STPG1: variants seen among roughly 807,000 people sequenced by gnomAD.
The protein encoded by STPG1 is sperm tail PG-rich repeat containing 1.
STPG1 carries 33 observed loss-of-function variants against 40.1 expected under a neutral mutation model. That is an observed-to-expected ratio of 0.82 (90% CI 0.62 to 1.10). The LOEUF (loss-of-function observed/expected upper bound fraction) is 1.10, where lower values mean the gene tolerates loss of function less well. Ranked by LOEUF, STPG1 falls within the 50% of genes least tolerant of loss-of-function variation. STPG1 has a pLI of 0.00. For missense variants in STPG1, 396 were observed against 415.1 expected, an observed-to-expected ratio of 0.95 and a Z score of 0.40; for synonymous variants, 150 against 155.0, an observed-to-expected ratio of 0.97 and a Z score of 0.24.
At chr1:24,379,557 G>A in intron 5 of STPG1, 96 bp downstream of exon 5, 1 of 1,377,292 alleles carries the variant, frequency 7.3e-7, no homozygotes, top group Non-Finnish European at 1.0e-6. Context: ...CTTGACAACT[G>A]CATTAAAATA....
At chr1:24,361,272 G>A (rs1039960069) in intron 7 of STPG1, among the ~76,000 whole-genome samples, 1 of 152,162 alleles carries the variant, frequency 6.6e-6, no homozygotes, top group Non-Finnish European at 1.5e-5. Flanking sequence ...GGGTTGTCAG[G>A]ATAAATGAGA....
In STPG1 at chr1:24,360,864, G is replaced by C; in HGVS notation, c.915C>G (p.Gly305=). ...CAATCCTCTGACCTGGGCCAGGCAG[G>C]CCTGGCTGAGGCGGCGCCGCTGTCC... The part of the protein sequence containing the change: ...SRWTAAPPQP[G]LPGPATYKPE... Residue 305 remains glycine (G), a synonymous_variant, in exon 8 of 9, where the codon GGC becomes GGG. Coordinates refer to ENST00000337248, the MANE Select transcript of STPG1 (RefSeq NM_001199013.2). 6.2e-7 allele frequency: 1 copy of C among 1,612,760 alleles called. No homozygotes were observed. The highest frequency in any genetic ancestry group is 8.5e-7 in the Non-Finnish European group (1 of 1,179,392).
chr1:24,400,048 A>C (rs1036313825), intron 2 of STPG1, among the ~76,000 whole-genome samples: 2 of 152,226 alleles, frequency 1.3e-5, no homozygotes, highest in Non-Finnish European at 2.9e-5. Context: ...ATACATAAAT[A>C]TGTGTCCCAC....
At chr1:24,358,650 A>G (rs370081789) in intron 8 of STPG1, 31 bp from the exon 9 acceptor site, 2 of 1,557,582 alleles carry the variant, frequency 1.3e-6, no homozygotes, top group Non-Finnish European at 1.8e-6. Context: ...GGAGGCATTA[A>G]GAGAGAAAAG....
At chr1:24,379,940 A>G in intron 4 of STPG1, 117 bp from the exon 5 acceptor site, 1 of 1,004,952 alleles carries the variant, frequency 1.0e-6, no homozygotes, top group South Asian at 1.7e-5. Flanking sequence ...AAAAGGCGAA[A>G]CTCTGGCAGT....
chr1:24,394,729 G>C (rs1410295570), intron 2 of STPG1, among the ~76,000 whole-genome samples: 3 of 151,950 alleles, frequency 2.0e-5, no homozygotes, highest in African/African-American at 7.3e-5. Context: ...TTAGACATTA[G>C]AGGAAAAAAA....
chr1:24,372,615 T>C (rs888722654), intron 6 of STPG1, among the ~76,000 whole-genome samples: 21 of 152,200 alleles, frequency 1.4e-4, no homozygotes, highest in African/African-American at 5.1e-4. Context: ...TGCCCATGGA[T>C]GATGCAAGGC....
At chr1:24,371,021 G>A (rs369294020) in intron 6 of STPG1, among the ~76,000 whole-genome samples, 4 of 152,092 alleles carry the variant, frequency 2.6e-5, no homozygotes, top group African/African-American at 9.7e-5. Context: ...AAGAAACTGT[G>A]ACAGAATAAA....
At chr1:24,374,246 T>TTTG in intron 5 of STPG1, among the ~76,000 whole-genome samples, 15 of 82,528 alleles carry the variant, frequency 1.8e-4, no homozygotes, top group African/African-American at 1.2e-3. Flanking sequence ...AGGAAAGTGT[T>TTTG]TTTTTTTTTT....
chr1:24,374,774 G>A (rs1371778619), intron 5 of STPG1, among the ~76,000 whole-genome samples: 2 of 151,904 alleles, frequency 1.3e-5, no homozygotes, highest in Non-Finnish European at 2.9e-5. Context: ...TCAGGCACAC[G>A]CCACCACACC....
rs953864735 is a variant in STPG1, at chr1:24,359,023, G to C, written c.929-404C>G. Among the ~76,000 whole-genome samples, 1 of 152,208 alleles carries C rather than the reference G, an allele frequency of 6.6e-6. No individual in the cohort carries two copies. The highest frequency in any genetic ancestry group is 2.4e-5 in the African/African-American group (1 of 41,456). ...TTGCGGACATGGTTCTATAGGAGAT[G>C]AGCAGGGCTTGGGAACTGTAGCCCC... On this transcript the variant is annotated intron_variant, in intron 8 of 8. Transcript: ENST00000337248. This position sits in a 1 kb window ranked among gnomAD's most constrained non-coding sequence, Gnocchi z 5.3.
chr1:24,359,138 G>A lies in STPG1; in HGVS notation c.929-519C>T, dbSNP rs1006923893. Reference sequence around the variant, plus strand: ...TTCCTATACTTGGAAAGCCGCTCAGGGGAGCCCATGGTAGTCCAGGTATAC... The same window carrying A: ...TTCCTATACTTGGAAAGCCGCTCAGAGGAGCCCATGGTAGTCCAGGTATAC... On this transcript the variant is annotated intron_variant, in intron 8 of 8. Coordinates refer to ENST00000337248, the MANE Select transcript of STPG1 (RefSeq NM_001199013.2). The surrounding 1 kb of genome is among the most constrained non-coding windows in gnomAD (Gnocchi z 5.3). 2.6e-5 allele frequency among the ~76,000 whole-genome samples: 4 copies of A among 152,216 alleles called. No homozygotes were observed. Among genetic ancestry groups the A allele is most frequent in the South Asian group, 2.1e-4 (1 of 4,836 alleles).
Position 24,406,587 on chromosome 1 carries a change from G to A in STPG1, c.-68-5131C>T, listed in dbSNP as rs1643424521. Among the ~76,000 whole-genome samples, 3 of 151,960 alleles carry A rather than the reference G, an allele frequency of 2.0e-5. No homozygotes were observed. In the South Asian group the frequency reaches 6.2e-4, roughly 31 times the overall value. ...GCATTCTCTAGGTTTTTGTCTGTCT[G>A]AAATGGTCTTTATTTTTCTTTTATT... On this transcript the variant is annotated intron_variant, in intron 1 of 8. Transcript: ENST00000337248.
chr1:24,383,428 C>T (rs564147839), intron 4 of STPG1, among the ~76,000 whole-genome samples: 2 of 152,280 alleles, frequency 1.3e-5, no homozygotes, highest in African/African-American at 2.4e-5. Flanking sequence ...AAAATTAAGT[C>T]CCATATCTTA....
rs144930525 is a variant in STPG1, at chr1:24,373,054, G to A, written c.571+648C>T. On this transcript the variant is annotated intron_variant, in intron 6 of 8. Coordinates refer to ENST00000337248, the MANE Select transcript of STPG1 (RefSeq NM_001199013.2). ...ATGGAATGATGGAGGACGTGGGCTC[G>A]TTAGTGAGACCCCTCTGGGCTTGTG... is the stretch of plus-strand genomic sequence containing the variant. Among the ~76,000 whole-genome samples the A allele has an allele frequency of 3.9e-3, 594 of 152,272 alleles. 3 individuals are homozygous for A. Among genetic ancestry groups the A allele is most frequent in the African/African-American group, 0.014 (562 of 41,544 alleles).
chr1:24,384,249 C>T (rs1169803562), intron 3 of STPG1, among the ~76,000 whole-genome samples: 1 of 152,220 alleles, frequency 6.6e-6, no homozygotes, highest in Admixed American at 6.5e-5. Flanking sequence ...TTCCACTATG[C>T]CCTGCCGCAT....
Position 24,379,783 on chromosome 1 carries a change from G to A in STPG1, c.332C>T (p.Ala111Val). 7 of 1,614,044 alleles carry A rather than the reference G, an allele frequency of 4.3e-6. No homozygotes were observed. Among genetic ancestry groups the A allele is most frequent in the Non-Finnish European group, 4.2e-6 (5 of 1,179,938 alleles). Residue 111 changes from alanine to valine, a missense_variant, in exon 5 of 9, where the codon GCG becomes GTG. Coordinates refer to ENST00000337248, the MANE Select transcript of STPG1 (RefSeq NM_001199013.2). ...ATCCGATGGGATAGTGTATGCATTC[G>A]CTGCAGGGTATTTAGAAATGATGGT... ...LDTIISKYPA[A>V]NAYTIPSDFI...
At chr1:24,389,602 C>T (rs999616069) in intron 3 of STPG1, among the ~76,000 whole-genome samples, 2 of 152,186 alleles carry the variant, frequency 1.3e-5, no homozygotes, top group African/African-American at 2.4e-5. Context: ...TAAACCCTTC[C>T]TTTCAGCATT....
At chr1:24,370,578 G>A (rs1017376945) in intron 6 of STPG1, among the ~76,000 whole-genome samples, 14 of 151,966 alleles carry the variant, frequency 9.2e-5, no homozygotes, top group African/African-American at 3.4e-4. Context: ...TGCAAGCTCT[G>A]CCTCCCAGGT....
Sources: gnomAD v4.1 joint callset for allele counts (sites outside exome capture counted in the v4.1 genomes callset) on GRCh38, gnomAD v4.1.1 for gene constraint, Gnocchi (gnomAD v3.1) non-coding constraint, MANE v1.5 for transcripts, NCBI Gene and HGNC (gene_info 2026-07-23, HGNC 2026-07-21) for gene names.